Variants in TFDP2 observed in about 807,000 individuals in gnomAD.
The protein encoded by TFDP2 is transcription factor Dp-2.
In TFDP2, 17 loss-of-function variants were observed where a neutral mutation model predicts 59.3. The ratio of observed to expected loss-of-function variants is 0.29; its 90% CI spans 0.20 to 0.43. TFDP2 has a LOEUF of 0.43. Among genes scored for constraint, TFDP2 ranks in the 20% least tolerant of loss-of-function variants. The probability of loss-of-function intolerance (pLI) is 1.00; values close to 1 mark genes in which losing one functional copy is unlikely to be tolerated. For missense variants in TFDP2, 391 were observed against 528.8 expected, an observed-to-expected ratio of 0.74 and a Z score of 2.56; for synonymous variants, 180 against 194.7, an observed-to-expected ratio of 0.92 and a Z score of 0.63.
chr3:142,012,050 T>C (rs1490583074), intron 3 of TFDP2, among the ~76,000 whole-genome samples: 1 of 150,658 alleles, frequency 6.6e-6, no homozygotes, highest in East Asian at 1.9e-4. Flanking sequence ...TCTCGCTCTG[T>C]CACCCAGGCT....
At chr3:142,079,357 A>G (rs191153237) in intron 3 of TFDP2, among the ~76,000 whole-genome samples, 10 of 152,240 alleles carry the variant, frequency 6.6e-5, no homozygotes, top group Admixed American at 5.9e-4. Flanking sequence ...AAAAGAATAA[A>G]AAAGAATGAA....
chr3:142,015,755 G>C (rs1178100440), intron 3 of TFDP2, among the ~76,000 whole-genome samples: 3 of 152,158 alleles, frequency 2.0e-5, no homozygotes, highest in Admixed American at 6.5e-5. Flanking sequence ...AATGTGGTTA[G>C]ACCTAGATTT....
At chr3:141,977,118 TTTTTTTTTTTCC>T (rs1266920162) in intron 7 of TFDP2, among the ~76,000 whole-genome samples, 1 of 99,920 alleles carries the variant, frequency 1.0e-5, no homozygotes, top group African/African-American at 4.2e-5. Context: ...TTTTTTTTTT[TTTTTTTTTTTCC>T]CCCCAAAGAG....
chr3:142,113,390 C>A (rs1358867929), intron 1 of TFDP2, among the ~76,000 whole-genome samples: 1 of 152,050 alleles, frequency 6.6e-6, no homozygotes, highest in Non-Finnish European at 1.5e-5. Flanking sequence ...TCCCGAGTAG[C>A]TGGGACTACA....
intron 3 of TFDP2, among the ~76,000 whole-genome samples, chr3:142,047,364 G>T (rs988941763): frequency 1.1e-4 from 16 of 152,056 alleles, no homozygotes; most frequent in African/African-American, 3.4e-4. Context: ...TCCACATCAG[G>T]TGTGAATTAT....
intron 3 of TFDP2, chr3:142,043,601 T>C: frequency 1.3e-6 from 1 of 795,650 alleles, no homozygotes; most frequent in Non-Finnish European, 2.2e-6. Flanking sequence ...GAGGCCAGTA[T>C]GTACAGACAA....
At chr3:141,977,106 A>AGATAGATAGATAGATAGATAGATAGATT (rs1940772183) in intron 7 of TFDP2, among the ~76,000 whole-genome samples, 3 of 97,524 alleles carry the variant, frequency 3.1e-5, no homozygotes, top group Non-Finnish European at 6.1e-5. Flanking sequence ...ATATATATAT[A>AGATAGATAGATAGATAGATAGATAGATT]TTTTTTTTTT....
chr3:142,091,713 G>A (rs2061001975), intron 3 of TFDP2, among the ~76,000 whole-genome samples: 2 of 152,206 alleles, frequency 1.3e-5, no homozygotes, highest in African/African-American at 4.8e-5. Flanking sequence ...TGGGGGTGGA[G>A]AGAGATGGAT....
intron 9 of TFDP2, among the ~76,000 whole-genome samples, chr3:141,965,790 T>A (rs183665808): frequency 6.6e-6 from 1 of 152,148 alleles, no homozygotes; most frequent in East Asian, 1.9e-4. Flanking sequence ...ACTATCAATA[T>A]CATTACCAAA....
intron 3 of TFDP2, among the ~76,000 whole-genome samples, chr3:142,049,793 T>C (rs1311586951): frequency 6.6e-6 from 1 of 152,172 alleles, no homozygotes; most frequent in Non-Finnish European, 1.5e-5. Flanking sequence ...TATTTCTATC[T>C]TCTGCCAACA....
chr3:142,132,923 C>A (rs963086671), intron 1 of TFDP2, among the ~76,000 whole-genome samples: 10 of 149,248 alleles, frequency 6.7e-5, no homozygotes, highest in Non-Finnish European at 1.3e-4. Context: ...GATATAAATT[C>A]TCCCAAGTTA....
At chr3:142,023,925 C>T (rs966136993) in intron 3 of TFDP2, among the ~76,000 whole-genome samples, 3 of 152,130 alleles carry the variant, frequency 2.0e-5, no homozygotes, top group African/African-American at 7.2e-5. Context: ...CTCATTCTCC[C>T]GAGTAGCTGG....
At position 141,947,829 on chromosome 3, in the gene TFDP2, G is replaced by A. The variant is rs1378746291; in HGVS notation, c.*4684C>T. 6.6e-6 allele frequency: 1 copy of A among 152,222 alleles called. No individual in the cohort carries two copies. Among genetic ancestry groups the A allele is most frequent in the Non-Finnish European group, 1.5e-5 (1 of 68,060 alleles). The allele number at this position is 152,222 out of a possible 1,614,324, so 9.4% of individuals were successfully genotyped here. On this transcript the variant is annotated 3_prime_UTR_variant, in exon 13 of 13. Transcript: ENST00000489671. ...TTGTTAAGAAAGTATAGAGACATCT[G>A]TCTTTCCACCATCTGACTCAGTAAA... is the stretch of plus-strand genomic sequence containing the variant.
intron 3 of TFDP2, among the ~76,000 whole-genome samples, chr3:142,065,999 A>T (rs2060063625): frequency 6.6e-6 from 1 of 152,208 alleles, no homozygotes; most frequent in Non-Finnish European, 1.5e-5. Context: ...AAGATTTTAA[A>T]CACTGAAGTA....
chr3:142,072,522 A>G (rs1320875260), intron 3 of TFDP2, among the ~76,000 whole-genome samples: 1 of 152,186 alleles, frequency 6.6e-6, no homozygotes, highest in Non-Finnish European at 1.5e-5. Flanking sequence ...GTTTCTAATA[A>G]CATTCTCCAA....
chr3:142,074,689 T>C (rs1370434825), intron 3 of TFDP2, among the ~76,000 whole-genome samples: 1 of 151,676 alleles, frequency 6.6e-6, no homozygotes, highest in East Asian at 2.0e-4. Context: ...TGGACTCTAC[T>C]AAAAATACAA....
At chr3:142,037,914 A>C (rs1388367774) in intron 3 of TFDP2, among the ~76,000 whole-genome samples, 1 of 152,188 alleles carries the variant, frequency 6.6e-6, no homozygotes, top group Non-Finnish European at 1.5e-5. Context: ...GCAGTTATAC[A>C]TTATCATGTA....
chr3:142,116,734 T>G (rs956069362), intron 1 of TFDP2, among the ~76,000 whole-genome samples: 4 of 152,216 alleles, frequency 2.6e-5, no homozygotes, highest in African/African-American at 9.6e-5. Flanking sequence ...TCTGTTTCCT[T>G]TTTGCTGTTG....
chr3:141,978,917 T>C (rs1398690395), intron 6 of TFDP2, among the ~76,000 whole-genome samples: 1 of 152,206 alleles, frequency 6.6e-6, no homozygotes, highest in African/African-American at 2.4e-5. Context: ...TCAACAAATA[T>C]TTATTGACCA....
Sources: allele counts gnomAD v4.1 joint callset (sites outside exome capture counted in the v4.1 genomes callset), GRCh38; gene constraint gnomAD v4.1.1; transcripts MANE v1.5; gene names NCBI Gene and HGNC (gene_info 2026-07-23, HGNC 2026-07-21).